Variants in SMAD6 observed in about 807,000 individuals in gnomAD.
SMAD6 encodes the protein SMAD family member 6, also known as MAD homolog 6.
In SMAD6, 103 loss-of-function variants were observed where a neutral mutation model predicts 39.4. That is an observed-to-expected ratio of 2.62 (90% CI 2.23 to 3.08). The LOEUF (loss-of-function observed/expected upper bound fraction) is 3.08. Ranked by LOEUF, SMAD6 falls within the 30% of genes most tolerant of loss-of-function variation. The pLI is 0.00. For missense variants in SMAD6, 1,104 were observed against 742.9 expected (o/e 1.49, Z -5.65); for synonymous variants, 445 against 353.3 (o/e 1.26, Z -2.91).
rs1047590293 is a variant in SMAD6 at position 66,781,854 on chromosome 15, T to TTATATATATA, written c.*324_*333dup. 10 of 397,858 alleles carry TTATATATATA rather than the reference T, an allele frequency of 2.5e-5. No individual in the cohort carries two copies. The East Asian group carries it at 2.9e-4, about 11-fold the overall frequency. The allele number at this position is 397,858 out of a possible 1,614,324, so 24.6% of individuals were successfully genotyped here. A position where few individuals can be genotyped will look rare whatever the true frequency, so the allele number is the denominator to read the frequency against. ...CTTCCTCCTTCCTCTTCCTTACTTTTTATATATATATATAAAGAAAATGAT... is the reference window on the plus strand; with the variant it reads ...CTTCCTCCTTCCTCTTCCTTACTTTTTATATATATATATATATATATATAAAGAAAATGAT... On this transcript the variant is annotated 3_prime_UTR_variant, in exon 4 of 4. Transcript: ENST00000288840.
At chr15:66,729,168 G>A (rs577276494) in intron 3 of SMAD6, among the ~76,000 whole-genome samples, 4 of 152,254 alleles carry the variant, frequency 2.6e-5, no homozygotes, top group South Asian at 4.1e-4. Context: ...CAGGACCTCT[G>A]CCCACACGGA....
chr15:66,759,504 G>C (rs1388917517), intron 3 of SMAD6, among the ~76,000 whole-genome samples: 1 of 152,228 alleles, frequency 6.6e-6, no homozygotes, highest in African/African-American at 2.4e-5. Context: ...ACTGTACCCA[G>C]TATGTATGGG....
chr15:66,709,629 C>T (rs1362052298), intron 1 of SMAD6, among the ~76,000 whole-genome samples: 1 of 152,196 alleles, frequency 6.6e-6, no homozygotes, highest in African/African-American at 2.4e-5. Flanking sequence ...CAGATTTTTG[C>T]AAAAGTAACC....
chr15:66,748,772 A>C (rs11638259), intron 3 of SMAD6, among the ~76,000 whole-genome samples: 42,789 of 151,918 alleles, frequency 0.28, 6,660 homozygotes, highest in East Asian at 0.44. Flanking sequence ...GACTATCAGG[A>C]AAAGGAGACT....
intron 1 of SMAD6, among the ~76,000 whole-genome samples, chr15:66,710,261 T>G (rs1043896158): frequency 1.3e-5 from 2 of 152,228 alleles, no homozygotes; most frequent in Non-Finnish European, 2.9e-5. Flanking sequence ...ACTCTGTACC[T>G]GAGGTCTAAA....
chr15:66,747,631 C>T lies in SMAD6; in HGVS notation c.952+31133C>T, dbSNP rs1477534458. 6.6e-6 allele frequency among the ~76,000 whole-genome samples: 1 copy of T among 152,238 alleles called. No homozygotes were observed. Among genetic ancestry groups the T allele is most frequent in the African/African-American group, 2.4e-5 (1 of 41,456 alleles). On this transcript the variant is annotated intron_variant, in intron 3 of 3. Coordinates refer to ENST00000288840, the MANE Select transcript of SMAD6 (RefSeq NM_005585.5). The surrounding 1 kb of genome is among the most constrained non-coding windows in gnomAD (Gnocchi z 4.5). ...AGTTTTTAAGACTAGGTTAGCCTTC[C>T]TCGGACACTGACTCCACGGTTTCCC...
At chr15:66,749,217 T>C (rs1893957674) in intron 3 of SMAD6, among the ~76,000 whole-genome samples, 1 of 152,116 alleles carries the variant, frequency 6.6e-6, no homozygotes, top group Non-Finnish European at 1.5e-5. Context: ...CCTAGCACTT[T>C]TGGAGACCAA....
At chr15:66,729,850 G>T (rs912287638) in intron 3 of SMAD6, among the ~76,000 whole-genome samples, 3 of 152,144 alleles carry the variant, frequency 2.0e-5, no homozygotes, top group African/African-American at 7.2e-5. Flanking sequence ...AGGCGGCACC[G>T]CGGCCGGGCC....
intron 3 of SMAD6, among the ~76,000 whole-genome samples, chr15:66,723,385 T>G (rs1226951017): frequency 2.6e-5 from 4 of 152,194 alleles, no homozygotes; most frequent in African/African-American, 9.7e-5. Context: ...TACTGAACAT[T>G]TATTATTCAG....
Position 66,703,890 on chromosome 15 carries a change from C to G in SMAD6, c.632C>G (p.Ala211Gly), listed in dbSNP as rs1002706747. Reference sequence around the variant, plus strand: ...GGCGGCTGCGTGCTGGTGCCGCGCGCCGACCTCCGCCTGGGCGGCCAGCCC... The same window carrying G: ...GGCGGCTGCGTGCTGGTGCCGCGCGGCGACCTCCGCCTGGGCGGCCAGCCC... ...VPGGCVLVPRADLRLGGQPAP... is the reference protein window; with the variant it reads ...VPGGCVLVPRGDLRLGGQPAP... The change falls in exon 1 of 4, where the codon GCC (alanine) becomes GGC (glycine). Residue 211 changes from alanine (A) to glycine (G), a missense_variant. Transcript: ENST00000288840. The G allele has an allele frequency of 7.0e-6, 9 of 1,293,350 alleles. No homozygotes were observed. The East Asian group carries it at 2.3e-4, about 33-fold the overall frequency. 80.1% of individuals were successfully genotyped at this position (1,293,350 alleles called of 1,614,324 possible).
chr15:66,752,296 A>G (rs1382407999), intron 3 of SMAD6, among the ~76,000 whole-genome samples: 1 of 152,052 alleles, frequency 6.6e-6, no homozygotes, highest in Non-Finnish European at 1.5e-5. Flanking sequence ...ACAGGAGGAG[A>G]TCCTCAGGGG....
Position 66,782,024 on chromosome 15 carries a change from G to A in SMAD6, c.*489G>A. 1 of 398,688 alleles carries A rather than the reference G, an allele frequency of 2.5e-6. No homozygotes were observed. The highest frequency in any genetic ancestry group is 4.4e-6 in the Non-Finnish European group (1 of 225,998). The allele number at this position is 398,688 out of a possible 1,614,324, so 24.7% of individuals were successfully genotyped here. A position where few individuals can be genotyped will look rare whatever the true frequency, so the allele number is the denominator to read the frequency against. Reference sequence around the variant, plus strand: ...AACTGTCTTCTTTTTACAAAGAGGGGCAGGTAGGGCTTCAGCGGATTTCTG... The same window carrying A: ...AACTGTCTTCTTTTTACAAAGAGGGACAGGTAGGGCTTCAGCGGATTTCTG... On this transcript the variant is annotated 3_prime_UTR_variant, in exon 4 of 4. Coordinates refer to ENST00000288840, the MANE Select transcript of SMAD6 (RefSeq NM_005585.5).
Position 66,719,142 on chromosome 15 carries a change from C to A in SMAD6, c.952+2644C>A, listed in dbSNP as rs78192241. Among the ~76,000 whole-genome samples, 1,152 of 152,318 alleles carry A rather than the reference C, an allele frequency of 7.6e-3. 25 individuals are homozygous for A. The East Asian group carries it at 0.078, about 10-fold the overall frequency. On this transcript the variant is annotated intron_variant, in intron 3 of 3. Coordinates refer to ENST00000288840, the MANE Select transcript of SMAD6 (RefSeq NM_005585.5). The stretch of plus-strand genomic sequence containing the variant: ...TTTCATAGAGGAGGAAACTGAGGCT[C>A]ATTGCTGGGCCAACTGCCCATAATG...
In SMAD6 at chr15:66,708,727, T is replaced by C. The variant is rs777808877; in HGVS notation, c.818-2941T>C. The C allele has an allele frequency of 2.1e-5, 10 of 471,764 alleles. 1 individual carries two copies. Among genetic ancestry groups the C allele is most frequent in the South Asian group, 1.5e-4 (10 of 64,538 alleles). 29.2% of individuals were successfully genotyped at this position (471,764 alleles called of 1,614,324 possible). A position where few individuals can be genotyped will look rare whatever the true frequency, so the allele number is the denominator to read the frequency against. ...GAAATGTCCAGAATGGGCAAACCCA[T>C]AGAGACACAAAGTAAGTTAGTGGTT... On this transcript the variant is annotated intron_variant, in intron 1 of 3. Transcript: ENST00000288840.
chr15:66,703,361 G>C lies in SMAD6; in HGVS notation c.103G>C (p.Glu35Gln). 1 of 1,476,614 alleles carries C rather than the reference G, an allele frequency of 6.8e-7. No individual in the cohort carries two copies. The highest frequency in any genetic ancestry group is 3.0e-5 in the East Asian group (1 of 33,490). 91.5% of individuals were successfully genotyped at this position (1,476,614 alleles called of 1,614,324 possible). A position where few individuals can be genotyped will look rare whatever the true frequency, so the allele number is the denominator to read the frequency against. ...CAGCGGCGGCGGCGGTGGCGGCGACGAGGATGGGAGCTTGGGCAGCCGAGC... is the reference window on the plus strand; with the variant it reads ...CAGCGGCGGCGGCGGTGGCGGCGACCAGGATGGGAGCTTGGGCAGCCGAGC... ...GGSGGGGGGD[E>Q]DGSLGSRAEP... is the part of the protein sequence containing the mutation. Residue 35 changes from glutamate (E) to glutamine (Q), a missense_variant, in exon 1 of 4, where the codon GAG becomes CAG. Transcript: ENST00000288840.
In SMAD6 at chr15:66,781,271, C is replaced by T. The variant is rs2140681855; in HGVS notation, c.1227C>T (p.Pro409=). 1 of 1,607,536 alleles carries T rather than the reference C, an allele frequency of 6.2e-7. No homozygotes were observed. Among genetic ancestry groups the T allele is most frequent in the Non-Finnish European group, 8.5e-7 (1 of 1,178,830 alleles). The change falls in exon 4 of 4, where the codon CCC becomes CCT. Residue 409 remains proline, a synonymous_variant. Transcript: ENST00000288840. ...GVWAYNRGEH[P]IFVNSPTLDA... ...GGGCCTACAACCGCGGCGAGCACCC[C>T]ATCTTCGTCAACTCCCCGACGCTGG...
At position 66,703,874 on chromosome 15, in the gene SMAD6, G is replaced by C; in HGVS notation, c.616G>C (p.Val206Leu). 2 of 1,323,512 alleles carry C rather than the reference G, an allele frequency of 1.5e-6. No individual in the cohort carries two copies. The highest frequency in any genetic ancestry group is 1.9e-6 in the Non-Finnish European group (2 of 1,032,990). 82.0% of individuals were successfully genotyped at this position (1,323,512 alleles called of 1,614,324 possible). A position where few individuals can be genotyped will look rare whatever the true frequency, so the allele number is the denominator to read the frequency against. Reference sequence around the variant, plus strand: ...CCGCGGCGGCGTGCCGGGCGGCTGCGTGCTGGTGCCGCGCGCCGACCTCCG... The same window carrying C: ...CCGCGGCGGCGTGCCGGGCGGCTGCCTGCTGGTGCCGCGCGCCGACCTCCG... ...ESRGGVPGGCVLVPRADLRLG... is the reference protein window; with the variant it reads ...ESRGGVPGGCLLVPRADLRLG... The change falls in exon 1 of 4, where the codon GTG (valine) becomes CTG (leucine). Residue 206 changes from valine to leucine, a missense_variant. By Grantham distance (32) the Val-to-Leu change is conservative (BLOSUM62 1). Transcript: ENST00000288840.
At chr15:66,778,962 C>T (rs1206622684) in intron 3 of SMAD6, among the ~76,000 whole-genome samples, 1 of 152,234 alleles carries the variant, frequency 6.6e-6, no homozygotes, top group Non-Finnish European at 1.5e-5. Flanking sequence ...GTGCCTGACA[C>T]ACTCGTGGAA....
At position 66,703,179 on chromosome 15, in the gene SMAD6, A is replaced by C; in HGVS notation, c.-80A>C. ...CTTCATGTGGGGCTGCGACCCGCGC[A>C]GCCGGCGCCTCGCTGAGGGAACGGA... On this transcript the variant is annotated 5_prime_UTR_variant, in exon 1 of 4. Transcript: ENST00000288840. 9.1e-7 allele frequency: 1 copy of C among 1,101,820 alleles called. No homozygotes were observed. The highest frequency in any genetic ancestry group is 2.4e-5 in the South Asian group (1 of 41,092). 68.3% of individuals were successfully genotyped at this position (1,101,820 alleles called of 1,614,324 possible).
Sources: gnomAD v4.1 joint callset for allele counts (sites outside exome capture counted in the v4.1 genomes callset) on GRCh38, gnomAD v4.1.1 for gene constraint, Gnocchi (gnomAD v3.1) non-coding constraint, MANE v1.5 for transcripts, NCBI Gene and HGNC (gene_info 2026-07-23, HGNC 2026-07-21) for gene names.